SATL1: variants seen among roughly 807,000 people sequenced by gnomAD.
The protein encoded by SATL1 is spermidine/spermine N1-acetyl transferase like 1.
Under a neutral mutation model 51.8 loss-of-function variants are expected in SATL1, and 47 were observed. That is an observed-to-expected ratio of 0.91 (90% CI 0.72 to 1.16). The LOEUF is 1.16. SATL1 is among the 50% of genes most tolerant of loss of function. The pLI is 0.00. For missense variants in SATL1, 520 were observed against 526.4 expected (o/e 0.99, Z 0.12); for synonymous variants, 176 against 182.4 (o/e 0.97, Z 0.28).
At chrX:85,121,466 ATTTATAT>A (rs1925506991) in intron 2 of SATL1, among the ~76,000 whole-genome samples, 1 of 103,482 alleles carries the variant, frequency 9.7e-6, no homozygotes, top group Non-Finnish European at 2.0e-5. Context: ...TATATGCTAT[ATTTATAT>A]AGTATATCTA....
chrX:85,216,223 T>A (rs1187444083), intron 2 of SATL1, among the ~76,000 whole-genome samples: 1 of 111,010 alleles, frequency 9.0e-6, no homozygotes, highest in Non-Finnish European at 1.9e-5. Flanking sequence ...ACTGAGAGAA[T>A]GGCACCAAAT....
intron 2 of SATL1, chrX:85,208,848 G>C (rs953163205): frequency 9.0e-6 from 1 of 111,576 alleles, no homozygotes; most frequent in African/African-American, 3.3e-5. Flanking sequence ...TCTGTAGGTT[G>C]CCTGTTCACT....
In SATL1 at chrX:85,151,104, C is replaced by A. The variant is rs1200414766; in HGVS notation, c.-312-41824G>T. On this transcript the variant is annotated intron_variant, in intron 2 of 7. Transcript: ENST00000644105. ...CCCAAAATCTCCTTAAGCTGATAAG[C>A]AACTTCAGCAAAGTCTCAGGATACA... 2.8e-5 allele frequency among the ~76,000 whole-genome samples: 3 copies of A among 108,320 alleles called. No individual in the cohort carries two copies. The Admixed American group carries it at 3.0e-4, about 11-fold the overall frequency. 94.1% of individuals were successfully genotyped at this position (108,320 alleles called of 115,157 possible).
chrX:85,235,816 GA>G (rs1168666723), intron 1 of SATL1, among the ~76,000 whole-genome samples: 1 of 109,972 alleles, frequency 9.1e-6, no homozygotes, highest in African/African-American at 3.3e-5. Context: ...GAAAATAGTA[GA>G]AAAAATAATA....
chrX:85,101,516 CA>C (rs1924893074), intron 4 of SATL1, among the ~76,000 whole-genome samples: 1 of 111,434 alleles, frequency 9.0e-6, no homozygotes, highest in African/African-American at 3.3e-5. Flanking sequence ...ATGGGTATTA[CA>C]AAAAAACAAA....
intron 2 of SATL1, among the ~76,000 whole-genome samples, chrX:85,183,181 T>G (rs984707569): frequency 1.3e-4 from 15 of 111,523 alleles, no homozygotes; most frequent in African/African-American, 4.2e-4. Flanking sequence ...TTCCCTTATT[T>G]TTTTAACTAG....
chrX:85,126,764 T>C (rs1925637958), intron 2 of SATL1, among the ~76,000 whole-genome samples: 1 of 110,612 alleles, frequency 9.0e-6, no homozygotes, highest in Non-Finnish European at 1.9e-5. Context: ...CCTAGTAAAT[T>C]GCCCAGGACT....
chrX:85,191,680 T>C (rs957272762), intron 2 of SATL1, among the ~76,000 whole-genome samples: 4 of 112,060 alleles, frequency 3.6e-5, no homozygotes, highest in African/African-American at 1.3e-4. Flanking sequence ...AAAAATGTTA[T>C]TAAGAACATC....
At chrX:85,111,703 G>A in intron 2 of SATL1, among the ~76,000 whole-genome samples, 1 of 111,923 alleles carries the variant, frequency 8.9e-6, no homozygotes, top group East Asian at 2.8e-4. Context: ...TCTAGTTTAG[G>A]TAGTGAGGTT....
At chrX:85,104,089 C>T (rs912208062) in intron 3 of SATL1, among the ~76,000 whole-genome samples, 174 bp from the exon 4 acceptor site, 11 of 111,385 alleles carry the variant, frequency 9.9e-5, no homozygotes, top group African/African-American at 6.5e-5. Context: ...AGTAATGCAA[C>T]GAAAGGATGT....
chrX:85,180,612 G>A (rs1367330507), intron 2 of SATL1, among the ~76,000 whole-genome samples: 1 of 111,592 alleles, frequency 9.0e-6, no homozygotes, highest in East Asian at 2.8e-4. Context: ...ATTTATCAAA[G>A]TATATTCAAT....
intron 2 of SATL1, among the ~76,000 whole-genome samples, chrX:85,148,764 C>T (rs772188628): frequency 1.3e-3 from 139 of 111,144 alleles, no homozygotes; most frequent in African/African-American, 4.3e-3. Flanking sequence ...CAAGCAAATG[C>T]TGAGTGATTT....
intron 2 of SATL1, among the ~76,000 whole-genome samples, chrX:85,148,396 A>T (rs1926321128): frequency 9.1e-6 from 1 of 110,156 alleles, no homozygotes; most frequent in South Asian, 4.0e-4. Context: ...ACTCTGCAGG[A>T]TATTATCCAG....
chrX:85,109,375 G>A (rs974276596), intron 2 of SATL1, 95 bp from the exon 3 acceptor site: 6 of 192,353 alleles, frequency 3.1e-5, no homozygotes, highest in African/African-American at 1.2e-4. Flanking sequence ...TCATAATGGC[G>A]GTCACAATGC....
chrX:85,134,768 C>A (rs1202819432), intron 2 of SATL1, among the ~76,000 whole-genome samples: 1 of 111,119 alleles, frequency 9.0e-6, no homozygotes, highest in Non-Finnish European at 1.9e-5. Flanking sequence ...GAGGAGGATG[C>A]CAGGGGTCTG....
intron 1 of SATL1, among the ~76,000 whole-genome samples, chrX:85,241,255 C>T (rs1928586655): frequency 9.1e-6 from 1 of 110,393 alleles, no homozygotes; most frequent in Non-Finnish European, 1.9e-5. Context: ...AAGATGGATA[C>T]AGACACTGAG....
At chrX:85,093,257 C>A in intron 6 of SATL1, 32 bp from the exon 7 acceptor site, 1 of 1,134,786 alleles carries the variant, frequency 8.8e-7, no homozygotes, top group African/African-American at 1.8e-5. Flanking sequence ...GTGAAAACTG[C>A]AAATTTCACT....
At chrX:85,165,724 T>C (rs950888927) in intron 2 of SATL1, among the ~76,000 whole-genome samples, 7 of 111,885 alleles carry the variant, frequency 6.3e-5, no homozygotes, top group African/African-American at 2.3e-4. Flanking sequence ...CAGAATATTT[T>C]ATCCCATGGG....
intron 2 of SATL1, among the ~76,000 whole-genome samples, chrX:85,146,646 T>C (rs922910224): frequency 2.7e-5 from 3 of 112,233 alleles, no homozygotes; most frequent in Non-Finnish European, 3.8e-5. Flanking sequence ...GAATAACACA[T>C]ACTAGGAGTA....
Sources: gnomAD v4.1 joint callset for allele counts (sites outside exome capture counted in the v4.1 genomes callset) on GRCh38, gnomAD v4.1.1 for gene constraint, MANE v1.5 for transcripts, NCBI Gene and HGNC (gene_info 2026-07-23, HGNC 2026-07-21) for gene names.